The following NPTN variants were observed in gnomAD, a reference collection of about 807,000 sequenced individuals.
NPTN encodes the protein neuroplastin.
A neutral mutation model predicts 42.7 loss-of-function variants in NPTN; 5 were observed. The ratio of observed to expected loss-of-function variants is 0.12; its 90% confidence interval spans 0.06 to 0.25. The LOEUF is 0.25. Among genes scored for constraint, NPTN ranks in the 10% least tolerant of loss-of-function variants. The pLI is 1.00. For missense variants in NPTN, 307 were observed against 525.4 expected, an observed-to-expected ratio of 0.58 and a Z score of 4.06; for synonymous variants, 180 against 201.9, an observed-to-expected ratio of 0.89 and a Z score of 0.92.
chr15:73,569,631 C>G lies in NPTN; in HGVS notation c.1114+519G>C. 1.0e-6 allele frequency: 1 copy of G among 985,456 alleles called. No individual in the cohort carries two copies. The highest frequency in any genetic ancestry group is 1.2e-6 in the Non-Finnish European group (1 of 829,932). The allele number at this position is 985,456 out of a possible 1,614,324, so 61.0% of individuals were successfully genotyped here. A position where few individuals can be genotyped will look rare whatever the true frequency, so the allele number is the denominator to read the frequency against. ...ACCAAAAGCTGGCTTGTTCCAATGG[C>G]TTTTCTGAGAACAGTCTGACTGGGC... On this transcript the variant is annotated intron_variant, in intron 6 of 8. Transcript: ENST00000345330. This position sits in a 1 kb window ranked among gnomAD's most constrained non-coding sequence, Gnocchi z 4.1.
At chr15:73,579,198 G>A (rs1386099320) in intron 4 of NPTN, among the ~76,000 whole-genome samples, 3 of 149,576 alleles carry the variant, frequency 2.0e-5, no homozygotes, top group East Asian at 4.0e-4. Context: ...AGAATGGCAC[G>A]AACCCAAGAG....
chr15:73,564,549 G>A (rs1185938749), intron 6 of NPTN, among the ~76,000 whole-genome samples: 1 of 152,198 alleles, frequency 6.6e-6, no homozygotes, highest in Non-Finnish European at 1.5e-5. Context: ...ACACACTAGT[G>A]TCCACAGGAG....
chr15:73,605,170 G>A lies in NPTN; in HGVS notation c.92-7801C>T, dbSNP rs183904771. On this transcript the variant is annotated intron_variant, in intron 1 of 8. Coordinates refer to ENST00000345330, the MANE Select transcript of NPTN (RefSeq NM_012428.4). The stretch of plus-strand genomic sequence containing the variant: ...ATTAACATACCTCAAAAGCAGTGTG[G>A]AAGAAACTGGGGGCAGGGCTCACAC... 5.2e-4 allele frequency among the ~76,000 whole-genome samples: 78 copies of A among 151,398 alleles called. 2 individuals are homozygous for A. In the East Asian group the frequency reaches 0.012, roughly 23 times the overall value.
intron 1 of NPTN, among the ~76,000 whole-genome samples, chr15:73,618,026 G>A (rs755797496): frequency 5.9e-5 from 9 of 152,082 alleles, no homozygotes; most frequent in Non-Finnish European, 1.2e-4. Flanking sequence ...ATGCTCCATG[G>A]GCAGACATTT....
At chr15:73,602,832 A>G (rs768716296) in intron 1 of NPTN, among the ~76,000 whole-genome samples, 1 of 152,218 alleles carries the variant, frequency 6.6e-6, no homozygotes, top group South Asian at 2.1e-4. Flanking sequence ...TGCTCCTTCC[A>G]CAGGTACCTT....
At chr15:73,631,302 G>A (rs759082935) in intron 1 of NPTN, among the ~76,000 whole-genome samples, 1 of 152,168 alleles carries the variant, frequency 6.6e-6, no homozygotes, top group Non-Finnish European at 1.5e-5. Flanking sequence ...TCGAAAAACT[G>A]ATAAGACAAA....
intron 6 of NPTN, chr15:73,565,672 C>T (rs1894944455): frequency 4.5e-6 from 2 of 447,830 alleles, no homozygotes; most frequent in African/African-American, 4.0e-5. Flanking sequence ...GTTCTCTCCA[C>T]CTCAGTATTA....
At chr15:73,632,964 C>A (rs1422699701) in intron 1 of NPTN, among the ~76,000 whole-genome samples, 161 bp downstream of exon 1, 1 of 152,188 alleles carries the variant, frequency 6.6e-6, no homozygotes, top group Non-Finnish European at 1.5e-5. Context: ...CCCGCGCCTC[C>A]TCAAACCCGC....
At chr15:73,621,065 G>T (rs1898117500) in intron 1 of NPTN, among the ~76,000 whole-genome samples, 2 of 152,064 alleles carry the variant, frequency 1.3e-5, no homozygotes, top group Admixed American at 1.3e-4. Flanking sequence ...GTAAAAGGGA[G>T]CTACAAAAAT....
At chr15:73,608,445 A>G (rs1320195618) in intron 1 of NPTN, among the ~76,000 whole-genome samples, 1 of 152,212 alleles carries the variant, frequency 6.6e-6, no homozygotes, top group Non-Finnish European at 1.5e-5. Flanking sequence ...GCAAGAGGAA[A>G]CACCATGAGC....
At chr15:73,580,840 T>C (rs897951646) in intron 4 of NPTN, among the ~76,000 whole-genome samples, 2 of 152,002 alleles carry the variant, frequency 1.3e-5, no homozygotes, top group African/African-American at 4.8e-5. Flanking sequence ...GCTTCAGACC[T>C]GAAAACATGG....
At chr15:73,563,176 C>A in intron 7 of NPTN, 60 bp downstream of exon 7, 1 of 1,213,124 alleles carries the variant, frequency 8.2e-7, no homozygotes, top group Non-Finnish European at 1.2e-6. Context: ...TTTGATTAAA[C>A]TGCAAACACA....
Position 73,597,870 on chromosome 15 carries a change from G to C in NPTN, c.92-501C>G, listed in dbSNP as rs1442482755. Among the ~76,000 whole-genome samples, 6 of 152,216 alleles carry C rather than the reference G, an allele frequency of 3.9e-5. No individual in the cohort carries two copies. Among genetic ancestry groups the C allele is most frequent in the Non-Finnish European group, 7.3e-5 (5 of 68,034 alleles). On this transcript the variant is annotated intron_variant, in intron 1 of 8. Coordinates refer to ENST00000345330, the MANE Select transcript of NPTN (RefSeq NM_012428.4). This position sits in a 1 kb window ranked among gnomAD's most constrained non-coding sequence, Gnocchi z 6.3. ...CAGTGTCTTTTGCAAGCCTCAACAAGAAGTATTAAATGACCTACTGGTGCC... is the reference window on the plus strand; with the variant it reads ...CAGTGTCTTTTGCAAGCCTCAACAACAAGTATTAAATGACCTACTGGTGCC...
At chr15:73,583,719 G>T (rs553929635) in intron 4 of NPTN, among the ~76,000 whole-genome samples, 3 of 152,300 alleles carry the variant, frequency 2.0e-5, no homozygotes, top group Admixed American at 2.0e-4. Context: ...GAAGCAGGTT[G>T]CTTTGACATC....
intron 4 of NPTN, among the ~76,000 whole-genome samples, chr15:73,575,867 G>A (rs1169497345): frequency 6.6e-6 from 1 of 152,232 alleles, no homozygotes; most frequent in Non-Finnish European, 1.5e-5. Flanking sequence ...CCAAACTGAG[G>A]CCTGCTGAGT....
At chr15:73,608,694 A>G (rs1031324120) in intron 1 of NPTN, among the ~76,000 whole-genome samples, 13 of 152,216 alleles carry the variant, frequency 8.5e-5, no homozygotes, top group Admixed American at 3.9e-4. Context: ...AATGGCTGTC[A>G]GAAATAAGGA....
chr15:73,570,468 G>A lies in NPTN; in HGVS notation c.841-45C>T. The A allele has an allele frequency of 6.4e-7, 1 of 1,571,874 alleles. No individual in the cohort carries two copies. The highest frequency in any genetic ancestry group is 8.7e-7 in the Non-Finnish European group (1 of 1,151,634). ...CACAAAGGTGAGAGTGAGTAACTGA[G>A]CTAATGTTCAAGAGAGGGTGACACT... On this transcript the variant is annotated intron_variant, in intron 5 of 8. Coordinates refer to ENST00000345330, the MANE Select transcript of NPTN (RefSeq NM_012428.4). The surrounding 1 kb of genome is among the most constrained non-coding windows in gnomAD (Gnocchi z 4.0).
At chr15:73,582,864 C>T (rs957218847) in intron 4 of NPTN, among the ~76,000 whole-genome samples, 2 of 152,212 alleles carry the variant, frequency 1.3e-5, no homozygotes, top group African/African-American at 4.8e-5. Flanking sequence ...TCCCAGCCTA[C>T]ATCCTTCTCC....
chr15:73,582,701 G>A (rs1896111401), intron 4 of NPTN, among the ~76,000 whole-genome samples: 1 of 152,164 alleles, frequency 6.6e-6, no homozygotes, highest in Non-Finnish European at 1.5e-5. Flanking sequence ...CAGTACTAGA[G>A]GTCAGATACC....
Sources: allele counts gnomAD v4.1 joint callset (sites outside exome capture counted in the v4.1 genomes callset), GRCh38; gene constraint gnomAD v4.1.1; non-coding constraint Gnocchi (gnomAD v3.1); transcripts MANE v1.5; gene names NCBI Gene and HGNC (gene_info 2026-07-23, HGNC 2026-07-21).